GPATCH2: variants seen among roughly 807,000 people sequenced by gnomAD.
The protein encoded by GPATCH2 is G-patch domain containing 2.
GPATCH2 carries 51 observed loss-of-function variants against 58.0 expected under a neutral mutation model. The observed-to-expected ratio is 0.88, with a 90% CI of 0.70 to 1.11. The LOEUF (loss-of-function observed/expected upper bound fraction) is 1.11, where lower values mean the gene tolerates loss of function less well. Among genes scored for constraint, GPATCH2 ranks in the 50% most tolerant of loss-of-function variants. The probability of loss-of-function intolerance (pLI) is 0.00; values close to 1 mark genes in which losing one functional copy is unlikely to be tolerated. For synonymous variants in GPATCH2, 222 were observed against 218.5 expected (o/e 1.02, Z -0.14); for missense variants, 625 against 652.2 (o/e 0.96, Z 0.45).
At chr1:217,593,022 A>C (rs1667664814) in intron 5 of GPATCH2, among the ~76,000 whole-genome samples, 1 of 151,982 alleles carries the variant, frequency 6.6e-6, no homozygotes. Context: ...TTACTCAAGA[A>C]GTTTCATTGA....
chr1:217,559,338 AT>A (rs1665806659), intron 5 of GPATCH2, among the ~76,000 whole-genome samples: 1 of 152,036 alleles, frequency 6.6e-6, no homozygotes, highest in Admixed American at 6.6e-5. Context: ...AAAAAAAAAA[AT>A]CCTTCAAAAG....
intron 8 of GPATCH2, among the ~76,000 whole-genome samples, chr1:217,462,489 T>C (rs1660240449): frequency 6.6e-6 from 1 of 151,860 alleles, no homozygotes; most frequent in South Asian, 2.1e-4. Context: ...TACTTTTAAA[T>C]GGCATAGAAA....
Position 217,609,182 on chromosome 1 carries a change from T to C in GPATCH2, c.1098+1139A>G, listed in dbSNP as rs1221660248. The C allele has an allele frequency of 4.1e-6, 4 of 981,344 alleles. No individual in the cohort carries two copies. In the African/African-American group the frequency reaches 5.3e-5, roughly 13 times the overall value. The allele number at this position is 981,344 out of a possible 1,614,324, so 60.8% of individuals were successfully genotyped here. A position where few individuals can be genotyped will look rare whatever the true frequency, so the allele number is the denominator to read the frequency against. ...TGAACTTATTATAGTGTCTAAATTA[T>C]ACCATCAATAGAAACATTACATTTT... On this transcript the variant is annotated intron_variant, in intron 5 of 9. Transcript: ENST00000366935.
intron 5 of GPATCH2, among the ~76,000 whole-genome samples, chr1:217,517,411 T>C (rs1663221677): frequency 6.6e-6 from 1 of 152,146 alleles, no homozygotes; most frequent in South Asian, 2.1e-4. Context: ...AACCTTTTGC[T>C]ACTGTGGCAA....
At chr1:217,512,771 A>T (rs1043105767) in intron 6 of GPATCH2, among the ~76,000 whole-genome samples, 1 of 152,232 alleles carries the variant, frequency 6.6e-6, no homozygotes, top group Non-Finnish European at 1.5e-5. Flanking sequence ...CCTTAGGCAG[A>T]TGATAAACCC....
rs1558399521 is a variant in GPATCH2, at chr1:217,449,252, C to A, written c.1363G>T (p.Ala455Ser). 6.4e-7 allele frequency: 1 copy of A among 1,561,808 alleles called. No homozygotes were observed. The highest frequency in any genetic ancestry group is 8.8e-7 in the Non-Finnish European group (1 of 1,132,232). The part of the protein sequence containing the change: ...KAAPLPGPTT[A>S]GFVGENAQPI... ...TCTAACCCTGCTTTTGTTTTACCTGCAGTAGTAGGTCCAGGCAAAGGTGCA... is the reference window on the plus strand; with the variant it reads ...TCTAACCCTGCTTTTGTTTTACCTGAAGTAGTAGGTCCAGGCAAAGGTGCA... Residue 455 changes from alanine (A) to serine (S), a missense_variant, in exon 9 of 10, where the codon GCA becomes TCA. Transcript: ENST00000366935.
rs368344213 is a variant in GPATCH2 at position 217,454,468 on chromosome 1, A to G, written c.1278-5131T>C. Among the ~76,000 whole-genome samples the G allele has an allele frequency of 1.1e-4, 16 of 150,956 alleles. No individual in the cohort carries two copies. In the East Asian group the frequency reaches 3.2e-3, roughly 30 times the overall value. The stretch of plus-strand genomic sequence containing the variant: ...GCCGGGCGTGGTGGTGGGCGCCTGT[A>G]GTCCCAGCTACTCGGGAGGCTGAGG... On this transcript the variant is annotated intron_variant, in intron 8 of 9. Transcript: ENST00000366935.
In GPATCH2 at chr1:217,617,535, C is replaced by T. The variant is rs562227414; in HGVS notation, c.773+2248G>A. On this transcript the variant is annotated intron_variant, in intron 2 of 9. Coordinates refer to ENST00000366935, the MANE Select transcript of GPATCH2 (RefSeq NM_018040.5). The stretch of plus-strand genomic sequence containing the variant: ...TCATCAATGTTTGTTAAATCTGACA[C>T]ACACACACAGCCCCCCACACTGAAG... Among the ~76,000 whole-genome samples the T allele has an allele frequency of 1.0e-3, 157 of 152,286 alleles. 1 individual carries two copies. The highest frequency in any genetic ancestry group is 3.4e-3 in the Middle Eastern group (1 of 294).
At chr1:217,467,001 C>T (rs1015603166) in intron 8 of GPATCH2, among the ~76,000 whole-genome samples, 1 of 152,220 alleles carries the variant, frequency 6.6e-6, no homozygotes. Flanking sequence ...GGTGAAATCC[C>T]GTCTCTACTA....
intron 5 of GPATCH2, among the ~76,000 whole-genome samples, chr1:217,581,064 C>T (rs1009035731): frequency 7.9e-5 from 12 of 151,662 alleles, no homozygotes; most frequent in South Asian, 2.1e-4. Context: ...GTTCCTCCCA[C>T]GACTTATTAA....
chr1:217,607,145 C>T (rs976995127), intron 5 of GPATCH2, among the ~76,000 whole-genome samples: 2 of 152,102 alleles, frequency 1.3e-5, no homozygotes, highest in African/African-American at 2.4e-5. Flanking sequence ...TTTAAGTCGG[C>T]CTGCCTGCTA....
intron 5 of GPATCH2, among the ~76,000 whole-genome samples, chr1:217,538,901 G>C (rs1295120219): frequency 1.3e-5 from 2 of 152,152 alleles, no homozygotes; most frequent in Non-Finnish European, 2.9e-5. Flanking sequence ...GATTCATGCT[G>C]ATGCCTTGTG....
At chr1:217,480,292 G>C (rs1188996939) in intron 8 of GPATCH2, among the ~76,000 whole-genome samples, 1 of 148,694 alleles carries the variant, frequency 6.7e-6, no homozygotes, top group African/African-American at 2.5e-5. Context: ...AACTCTACAG[G>C]AAAAAAAAAA....
chr1:217,598,469 GAC>G (rs1667959971), intron 5 of GPATCH2, among the ~76,000 whole-genome samples: 1 of 151,056 alleles, frequency 6.6e-6, no homozygotes, highest in Admixed American at 6.6e-5. Context: ...TTTTTTTTGA[GAC>G]AGAGTCTCGC....
chr1:217,511,296 T>C (rs1662838708), intron 6 of GPATCH2, among the ~76,000 whole-genome samples: 1 of 151,892 alleles, frequency 6.6e-6, no homozygotes, highest in Admixed American at 6.6e-5. Context: ...TTGGTAGGGG[T>C]GTCTTTTTTC....
Position 217,472,371 on chromosome 1 carries a change from G to A in GPATCH2, c.1277+19309C>T, listed in dbSNP as rs1053088231. On this transcript the variant is annotated intron_variant, in intron 8 of 9. Coordinates refer to ENST00000366935, the MANE Select transcript of GPATCH2 (RefSeq NM_018040.5). Reference sequence around the variant, plus strand: ...GGCTGGAGTGCAGTGGCCTGATCTCGGCTCACTGCAAGCTCCGCTTCCCAG... The same window carrying A: ...GGCTGGAGTGCAGTGGCCTGATCTCAGCTCACTGCAAGCTCCGCTTCCCAG... Among the ~76,000 whole-genome samples, 4 of 146,788 alleles carry A rather than the reference G, an allele frequency of 2.7e-5. No homozygotes were observed. In the East Asian group the frequency reaches 8.0e-4, roughly 30 times the overall value.
At chr1:217,590,485 C>T (rs1254763893) in intron 5 of GPATCH2, among the ~76,000 whole-genome samples, 1 of 152,216 alleles carries the variant, frequency 6.6e-6, no homozygotes, top group South Asian at 2.1e-4. Flanking sequence ...GTACCTGCAA[C>T]ATGCAATGCT....
chr1:217,492,924 C>G (rs1445526651), intron 7 of GPATCH2, among the ~76,000 whole-genome samples: 1 of 152,166 alleles, frequency 6.6e-6, no homozygotes, highest in Non-Finnish European at 1.5e-5. Flanking sequence ...CTGCTTTGAA[C>G]TGTTCAATTA....
At chr1:217,431,757 C>T (rs753484532) in intron 9 of GPATCH2, among the ~76,000 whole-genome samples, 4 of 152,182 alleles carry the variant, frequency 2.6e-5, no homozygotes, top group Non-Finnish European at 5.9e-5. Context: ...ACCATGTTAG[C>T]CTTATGGATT....
Sources: allele counts gnomAD v4.1 joint callset (sites outside exome capture counted in the v4.1 genomes callset), GRCh38; gene constraint gnomAD v4.1.1; transcripts MANE v1.5; gene names NCBI Gene and HGNC (gene_info 2026-07-23, HGNC 2026-07-21).